Variants in MYOF observed in about 807,000 individuals in gnomAD.
The protein encoded by MYOF is fer-1-like 3, myoferlin.
In MYOF, 244 loss-of-function variants were observed where a neutral mutation model predicts 284.2. That is an observed-to-expected ratio of 0.86 (90% CI 0.77 to 0.95). The LOEUF is 0.95. Ranked by LOEUF, MYOF falls within the 40% of genes least tolerant of loss-of-function variation. The pLI, the probability that MYOF is intolerant of heterozygous loss-of-function variation, is 0.00. For synonymous variants in MYOF, 904 were observed against 919.7 expected (o/e 0.98, Z 0.31); for missense variants, 2,496 against 2,560.6 (o/e 0.97, Z 0.54).
intron 5 of MYOF, among the ~76,000 whole-genome samples, chr10:93,422,686 C>T (rs1385054410): frequency 6.6e-6 from 1 of 152,112 alleles, no homozygotes; most frequent in African/African-American, 2.4e-5. Context: ...ATACCAGCTA[C>T]TTGGGAGGCT....
chr10:93,390,390 G>A (rs1027319536), intron 17 of MYOF, among the ~76,000 whole-genome samples: 2 of 152,148 alleles, frequency 1.3e-5, no homozygotes, highest in Non-Finnish European at 2.9e-5. Context: ...ACATTTAAAT[G>A]AAAATTTAGA....
chr10:93,349,091 A>G (rs1844381283), intron 36 of MYOF, among the ~76,000 whole-genome samples: 1 of 152,212 alleles, frequency 6.6e-6, no homozygotes, highest in African/African-American at 2.4e-5. Flanking sequence ...AGGTCTTCCA[A>G]CACTTCAAGG....
chr10:93,349,684 A>G, intron 36 of MYOF, 124 bp downstream of exon 36: 1 of 1,166,626 alleles, frequency 8.6e-7, no homozygotes, highest in Non-Finnish European at 1.2e-6. Flanking sequence ...CAAGCTGAAT[A>G]TAAGGCAGGG....
intron 17 of MYOF, 120 bp from the exon 18 acceptor site, chr10:93,389,274 T>A: frequency 8.7e-7 from 1 of 1,152,848 alleles, no homozygotes; most frequent in Non-Finnish European, 1.2e-6. Context: ...TTAGTTGTAT[T>A]AATGCAAGTT....
intron 36 of MYOF, among the ~76,000 whole-genome samples, chr10:93,348,865 C>A (rs186508689): frequency 3.1e-4 from 47 of 152,308 alleles, no homozygotes; most frequent in African/African-American, 1.1e-3. Context: ...CCAAGCCCTA[C>A]ACTGCAGCTG....
chr10:93,356,706 G>A lies in MYOF; in HGVS notation c.3263C>T (p.Ala1088Val). ...RKMAPSETHG[A>V]AAIFKLEGAL... ...ACCTTCAAGTTTAAAGATGGCAGCT[G>A]CACCATGTGTTTCTGAAGGAGCCAT... The change falls in exon 30 of 54, where the codon GCA becomes GTA. Residue 1088 changes from alanine to valine, a missense_variant. Physicochemically the swap from Ala to Val is moderately conservative, Grantham distance 64. Around this residue, in one of 3 missense-constraint regions of MYOF, gnomAD observed 2,436 missense variants for 2,480.7 expected, o/e 0.98. Transcript: ENST00000359263. 6.2e-7 allele frequency: 1 copy of A among 1,614,076 alleles called. No individual in the cohort carries two copies. The highest frequency in any genetic ancestry group is 8.5e-7 in the Non-Finnish European group (1 of 1,179,998).
intron 50 of MYOF, among the ~76,000 whole-genome samples, chr10:93,315,264 G>A (rs1004965621): frequency 6.6e-6 from 1 of 152,168 alleles, no homozygotes; most frequent in Non-Finnish European, 1.5e-5. Flanking sequence ...TGGAAGCAGC[G>A]TGGAAACAGG....
chr10:93,338,079 C>T, intron 39 of MYOF, among the ~76,000 whole-genome samples, 166 bp from the exon 40 acceptor site: 1 of 151,382 alleles, frequency 6.6e-6, no homozygotes, highest in Admixed American at 6.6e-5. Context: ...GCATTCACGA[C>T]TCTCCTACTC....
At chr10:93,477,195 T>G (rs1249640160) in intron 1 of MYOF, among the ~76,000 whole-genome samples, 1 of 152,144 alleles carries the variant, frequency 6.6e-6, no homozygotes, top group Non-Finnish European at 1.5e-5. Flanking sequence ...AAAGCACCTT[T>G]AAAAGAAAAG....
At position 93,349,913 on chromosome 10, in the gene MYOF, G is replaced by A; in HGVS notation, c.3978C>T (p.Ser1326=). 1 of 1,614,084 alleles carries A rather than the reference G, an allele frequency of 6.2e-7. No individual in the cohort carries two copies. Among genetic ancestry groups the A allele is most frequent in the Non-Finnish European group, 8.5e-7 (1 of 1,180,008 alleles). Reference sequence around the variant, plus strand: ...CTCCACACTCCACAACAAGACTGGGGGATGTGATAGAAGCCATCTGGAAGT... The same window carrying A: ...CTCCACACTCCACAACAAGACTGGGAGATGTGATAGAAGCCATCTGGAAGT... ...MKNFQMASIT[S]PSLVVECGGE... Residue 1326 remains serine, a synonymous_variant, in exon 36 of 54, where the codon TCC becomes TCT. Coordinates refer to ENST00000359263, the MANE Select transcript of MYOF (RefSeq NM_013451.4).
In MYOF at chr10:93,335,975, CAACTTG is replaced by C. The variant is rs1302111023; in HGVS notation, c.4503_4508del (p.Phe1501_Lys1502del). The C allele has an allele frequency of 2.5e-6, 4 of 1,614,232 alleles. No homozygotes were observed. Among genetic ancestry groups the C allele is most frequent in the Non-Finnish European group, 2.5e-6 (3 of 1,180,050 alleles). ...CATTTTCATCCGACTTGCCTCGGTA[CAACTTG>C]AACGTATCTGAGAAGTCTGTCAGGC... On this transcript the variant is annotated inframe_deletion, in exon 41 of 54. Transcript: ENST00000359263.
chr10:93,333,526 G>C (rs988123842), intron 42 of MYOF, among the ~76,000 whole-genome samples: 1 of 151,840 alleles, frequency 6.6e-6, no homozygotes, highest in African/African-American at 2.4e-5. Context: ...GGGCGGGGGG[G>C]AGTCCTGGCT....
chr10:93,351,636 A>T, intron 33 of MYOF, 29 bp downstream of exon 33: 1 of 1,594,570 alleles, frequency 6.3e-7, no homozygotes, highest in South Asian at 1.1e-5. Flanking sequence ...ATCATCCCCA[A>T]GTTATCTTAG....
Position 93,402,220 on chromosome 10 carries a change from G to T in MYOF, c.990+12C>A. 1 of 1,603,370 alleles carries T rather than the reference G, an allele frequency of 6.2e-7. No homozygotes were observed. The highest frequency in any genetic ancestry group is 8.5e-7 in the Non-Finnish European group (1 of 1,170,208). On this transcript the variant is annotated intron_variant, in intron 11 of 53. Coordinates refer to ENST00000359263, the MANE Select transcript of MYOF (RefSeq NM_013451.4). ...GTGAGAAGTGTAGAAAGTAGAGAAT[G>T]TAGGGACTCACAGGAGGCTCATCTC...
At chr10:93,441,683 C>A (rs2056262282) in intron 3 of MYOF, among the ~76,000 whole-genome samples, 1 of 151,564 alleles carries the variant, frequency 6.6e-6, no homozygotes, top group African/African-American at 2.4e-5. Context: ...CCTACCTCAG[C>A]CTCCCGAGTA....
chr10:93,374,969 G>GA lies in MYOF; in HGVS notation c.2109-15dup, dbSNP rs762421876. The GA allele has an allele frequency of 4.4e-6, 7 of 1,595,244 alleles. No homozygotes were observed. In the East Asian group the frequency reaches 1.1e-4, roughly 25 times the overall value. On this transcript the variant is annotated splice_polypyrimidine_tract_variant and intron_variant, in intron 22 of 53. Transcript: ENST00000359263. ...GGCAACGTGTATCTAGAAAAATGAA[G>GA]AAAAAAAGAAACAGAGGATTTGAAG...
At chr10:93,360,886 C>T (rs2133926200) in intron 28 of MYOF, among the ~76,000 whole-genome samples, 1 of 152,282 alleles carries the variant, frequency 6.6e-6, no homozygotes, top group South Asian at 2.1e-4. Context: ...GATCCCCAAG[C>T]ATCTCAAAAC....
At chr10:93,471,253 A>G (rs1222903426) in intron 1 of MYOF, among the ~76,000 whole-genome samples, 1 of 152,130 alleles carries the variant, frequency 6.6e-6, no homozygotes, top group Non-Finnish European at 1.5e-5. Flanking sequence ...GAGTCACAGC[A>G]TGTCATAAAG....
At chr10:93,352,482 T>G (rs1291384022) in intron 32 of MYOF, among the ~76,000 whole-genome samples, 1 of 152,226 alleles carries the variant, frequency 6.6e-6, no homozygotes, top group Non-Finnish European at 1.5e-5. Flanking sequence ...GAGTTTACAA[T>G]CTGTGACAGC....
Sources: allele counts gnomAD v4.1 joint callset (sites outside exome capture counted in the v4.1 genomes callset), GRCh38; gene constraint gnomAD v4.1.1; regional missense constraint gnomAD v4.1.1; transcripts MANE v1.5; gene names NCBI Gene and HGNC (gene_info 2026-07-23, HGNC 2026-07-21).